IFT80: variants seen among roughly 807,000 people sequenced by gnomAD.
The protein encoded by IFT80 is intraflagellar transport protein 80 homolog.
Under a neutral mutation model 107.9 loss-of-function variants are expected in IFT80, and 79 were observed. The observed-to-expected ratio is 0.73, with a 90% confidence interval of 0.61 to 0.88. The LOEUF (loss-of-function observed/expected upper bound fraction) is 0.88, where lower values mean the gene tolerates loss of function less well. IFT80 is among the 40% of genes least tolerant of loss of function. The pLI is 0.00. For missense variants in IFT80, 797 were observed against 914.2 expected (o/e 0.87, Z 1.65); for synonymous variants, 299 against 300.9 (o/e 0.99, Z 0.07).
At chr3:160,295,334 G>A (rs1178010851) in intron 12 of IFT80, among the ~76,000 whole-genome samples, 1 of 152,196 alleles carries the variant, frequency 6.6e-6, no homozygotes, top group East Asian at 1.9e-4. Flanking sequence ...GCTGGGCATG[G>A]TGGCTCATGC....
At chr3:160,308,862 T>A (rs1357645726) in intron 9 of IFT80, among the ~76,000 whole-genome samples, 1 of 152,164 alleles carries the variant, frequency 6.6e-6, no homozygotes, top group Non-Finnish European at 1.5e-5. Context: ...TGAGCCCTTA[T>A]GAATGGGATT....
chr3:160,364,075 C>T (rs1270145716), intron 6 of IFT80, among the ~76,000 whole-genome samples: 17 of 152,148 alleles, frequency 1.1e-4, no homozygotes, highest in Admixed American at 1.1e-3. Context: ...AGGCAACCTA[C>T]AGAATGGGAG....
At chr3:160,345,870 A>G (rs1472377331) in intron 8 of IFT80, among the ~76,000 whole-genome samples, 1 of 152,092 alleles carries the variant, frequency 6.6e-6, no homozygotes, top group Non-Finnish European at 1.5e-5. Flanking sequence ...ATTTAATTGC[A>G]TATTTTAAAA....
intron 1 of IFT80, among the ~76,000 whole-genome samples, chr3:160,390,022 A>G (rs1713245170): frequency 6.6e-6 from 1 of 152,188 alleles, no homozygotes; most frequent in African/African-American, 2.4e-5. Context: ...GACAGGAAGG[A>G]GAAACAGAAT....
rs1485140808 is a variant in IFT80, at chr3:160,368,981, G to T, written c.440-2829C>A. Among the ~76,000 whole-genome samples the T allele has an allele frequency of 7.9e-5, 12 of 151,992 alleles. No individual in the cohort carries two copies. The East Asian group carries it at 2.3e-3, about 29-fold the overall frequency. On this transcript the variant is annotated intron_variant, in intron 5 of 19. Coordinates refer to ENST00000326448, the MANE Select transcript of IFT80 (RefSeq NM_020800.3). Reference sequence around the variant, plus strand: ...AGTTGTGGTAAAAGGCACGGTTGGGGTACAGAATGAGGAACTAAGGACTCT... The same window carrying T: ...AGTTGTGGTAAAAGGCACGGTTGGGTTACAGAATGAGGAACTAAGGACTCT...
rs185429516 is a variant in IFT80 at position 160,347,317 on chromosome 3, G to C, written c.777+8696C>G. Reference sequence around the variant, plus strand: ...TTAAGCACTCCTCTGGTTGCTAGTGGTTTTTTTCATTAGATCTCAAAGCTC... The same window carrying C: ...TTAAGCACTCCTCTGGTTGCTAGTGCTTTTTTTCATTAGATCTCAAAGCTC... On this transcript the variant is annotated intron_variant, in intron 8 of 19. Transcript: ENST00000326448. Among the ~76,000 whole-genome samples the C allele has an allele frequency of 6.6e-5, 10 of 152,104 alleles. No individual in the cohort carries two copies. In the East Asian group the frequency reaches 1.7e-3, roughly 26 times the overall value.
Position 160,277,591 on chromosome 3 carries a change from G to A in IFT80, c.1916C>T (p.Ala639Val), listed in dbSNP as rs1421521981. The change falls in exon 17 of 20, where the codon GCA becomes GTA. Residue 639 changes from alanine to valine, a missense_variant. Ala to Val is a moderately conservative substitution (Grantham distance 64). Coordinates refer to ENST00000326448, the MANE Select transcript of IFT80 (RefSeq NM_020800.3). Reference sequence around the variant, plus strand: ...ACATTAATTACTTACTTCACCAATTGCTGCATAGGCTATTTCTGCAGTAGT... The same window carrying A: ...ACATTAATTACTTACTTCACCAATTACTGCATAGGCTATTTCTGCAGTAGT... ...DMTTAEIAYA[A>V]IGEIDKVQYI... The A allele has an allele frequency of 6.2e-7, 1 of 1,611,512 alleles. No homozygotes were observed.
chr3:160,390,446 A>C (rs1173970902), intron 1 of IFT80, among the ~76,000 whole-genome samples: 1 of 152,076 alleles, frequency 6.6e-6, no homozygotes, highest in Non-Finnish European at 1.5e-5. Context: ...AGAAAAGAAA[A>C]GCAGTTTCCT....
rs1712510747 is a variant in IFT80, at chr3:160,258,238, G to A, written c.*287C>T. On this transcript the variant is annotated 3_prime_UTR_variant, in exon 20 of 20. Transcript: ENST00000326448. ...AATATTTGTTCATGCTGAAGATTTA[G>A]GGATGAAGTAATGGGCAAAAAACTG... 1 of 393,790 alleles carries A rather than the reference G, an allele frequency of 2.5e-6. No individual in the cohort carries two copies. The highest frequency in any genetic ancestry group is 3.4e-5 in the South Asian group (1 of 29,538). The allele number at this position is 393,790 out of a possible 1,614,324, so 24.4% of individuals were successfully genotyped here. A position where few individuals can be genotyped will look rare whatever the true frequency, so the allele number is the denominator to read the frequency against.
At chr3:160,362,340 A>G (rs1232506004) in intron 6 of IFT80, among the ~76,000 whole-genome samples, 2 of 151,136 alleles carry the variant, frequency 1.3e-5, no homozygotes, top group Admixed American at 1.3e-4. Context: ...GAAGTTGAAT[A>G]GACTGATAAC....
chr3:160,261,131 T>C (rs1373415965), intron 19 of IFT80, among the ~76,000 whole-genome samples: 2 of 152,124 alleles, frequency 1.3e-5, no homozygotes, highest in South Asian at 2.1e-4. Context: ...CTCTCTATGC[T>C]GTCTTCTCCC....
intron 9 of IFT80, among the ~76,000 whole-genome samples, chr3:160,308,574 G>A (rs1716996964): frequency 6.6e-6 from 1 of 151,692 alleles, no homozygotes; most frequent in South Asian, 2.1e-4. Flanking sequence ...AAAATATAGG[G>A]GAAAAAAGTA....
chr3:160,388,216 CTTTT>C (rs754817640), intron 1 of IFT80, among the ~76,000 whole-genome samples: 1 of 134,870 alleles, frequency 7.4e-6, no homozygotes. Flanking sequence ...GGACTTGTTT[CTTTT>C]TTTTTTTTTT....
Position 160,258,344 on chromosome 3 carries a change from T to C in IFT80, c.*181A>G, listed in dbSNP as rs576801010. 1.1e-5 allele frequency: 8 copies of C among 741,992 alleles called. No individual in the cohort carries two copies. The highest frequency in any genetic ancestry group is 7.1e-5 in the African/African-American group (4 of 56,230). The allele number at this position is 741,992 out of a possible 1,614,324, so 46.0% of individuals were successfully genotyped here. A position where few individuals can be genotyped will look rare whatever the true frequency, so the allele number is the denominator to read the frequency against. On this transcript the variant is annotated 3_prime_UTR_variant, in exon 20 of 20. Transcript: ENST00000326448. ...TTATTGGACTAAAAAATATAAAAGA[T>C]AGAAATACATCAATTACTTTGTGTT...
intron 8 of IFT80, among the ~76,000 whole-genome samples, chr3:160,330,391 C>T (rs1719003730): frequency 6.6e-6 from 1 of 152,196 alleles, no homozygotes; most frequent in Non-Finnish European, 1.5e-5. Context: ...TAACTATTAA[C>T]ACAATTATAC....
chr3:160,287,463 A>T (rs2108243759), intron 12 of IFT80, among the ~76,000 whole-genome samples: 1 of 152,286 alleles, frequency 6.6e-6, no homozygotes, highest in South Asian at 2.1e-4. Flanking sequence ...CAGTATACCC[A>T]GTGGAGGTGA....
At chr3:160,288,582 A>C (rs1193125104) in intron 12 of IFT80, among the ~76,000 whole-genome samples, 1 of 152,174 alleles carries the variant, frequency 6.6e-6, no homozygotes, top group East Asian at 1.9e-4. Flanking sequence ...ATTTCTGCAA[A>C]CTGTGCATCT....
chr3:160,296,568 C>T (rs1269327513), intron 12 of IFT80, among the ~76,000 whole-genome samples: 2 of 148,156 alleles, frequency 1.3e-5, no homozygotes, highest in Admixed American at 1.3e-4. Context: ...ATCATCCTCA[C>T]TAAAAAAAAA....
At chr3:160,372,447 T>C (rs1711597718) in intron 5 of IFT80, among the ~76,000 whole-genome samples, 1 of 152,212 alleles carries the variant, frequency 6.6e-6, no homozygotes, top group African/African-American at 2.4e-5. Context: ...CCTTTTGGGT[T>C]ACTGTCATTA....
Sources: allele counts gnomAD v4.1 joint callset (sites outside exome capture counted in the v4.1 genomes callset), GRCh38; gene constraint gnomAD v4.1.1; transcripts MANE v1.5; gene names NCBI Gene and HGNC (gene_info 2026-07-23, HGNC 2026-07-21).